ANKRD30B: variants seen among roughly 807,000 people sequenced by gnomAD.
ANKRD30B encodes the protein ankyrin repeat domain-containing protein 30B.
A neutral mutation model predicts 202.2 loss-of-function variants in ANKRD30B; 144 were observed. That is an observed-to-expected ratio of 0.71 (90% CI 0.62 to 0.82). The LOEUF is 0.82. Among genes scored for constraint, ANKRD30B ranks in the 40% least tolerant of loss-of-function variants. The pLI, the probability that ANKRD30B is intolerant of heterozygous loss-of-function variation, is 0.00. For missense variants in ANKRD30B, 1,487 were observed against 1,669.1 expected (o/e 0.89, Z 1.90); for synonymous variants, 508 against 561.3 (o/e 0.91, Z 1.34).
intron 30 of ANKRD30B, among the ~76,000 whole-genome samples, chr18:14,817,263 C>T (rs1169165949): frequency 8.5e-5 from 13 of 152,186 alleles, no homozygotes; most frequent in Non-Finnish European, 1.6e-4. Context: ...CAAGGATTCA[C>T]AGCCATACAT....
At chr18:14,809,100 A>G (rs1969746935) in intron 26 of ANKRD30B, among the ~76,000 whole-genome samples, 1 of 140,170 alleles carries the variant, frequency 7.1e-6, no homozygotes, top group Admixed American at 7.1e-5. Flanking sequence ...GGTGCCAACA[A>G]TTCACTAGAT....
intron 6 of ANKRD30B, among the ~76,000 whole-genome samples, chr18:14,761,228 C>T (rs1208190651): frequency 1.3e-5 from 2 of 152,114 alleles, no homozygotes; most frequent in Admixed American, 1.3e-4. Flanking sequence ...GGCTGCATGA[C>T]GGATGAGACA....
At chr18:14,758,548 G>GT (rs1367571504) in intron 5 of ANKRD30B, among the ~76,000 whole-genome samples, 1 of 152,298 alleles carries the variant, frequency 6.6e-6, no homozygotes, top group African/African-American at 2.4e-5. Flanking sequence ...AGTCATTACA[G>GT]TTTTTTAAAG....
chr18:14,809,665 C>T (rs1455510161), intron 26 of ANKRD30B, among the ~76,000 whole-genome samples: 1 of 150,982 alleles, frequency 6.6e-6, no homozygotes, highest in Non-Finnish European at 1.5e-5. Context: ...CATTCACAGG[C>T]TCTCTGCAGG....
chr18:14,757,262 A>G (rs1205101649), intron 4 of ANKRD30B, among the ~76,000 whole-genome samples: 5 of 152,212 alleles, frequency 3.3e-5, no homozygotes, highest in Admixed American at 2.0e-4. Flanking sequence ...CCTTGCAAAC[A>G]TTACATAATA....
chr18:14,865,515 C>T, the ANKRD30B span, among the ~76,000 whole-genome samples: 2,147 of 151,208 alleles, frequency 0.014, 46 homozygotes, highest in African/African-American at 0.05. Flanking sequence ...CCCTCTCTTA[C>T]CCCCTTCCAT....
rs141079576 is a variant in ANKRD30B, at chr18:14,786,006, C to T, written c.1673-1033C>T. ...TGAGCCGAGATTGCGCCACTGCAGT[C>T]TGCAGTCCGGCCTGGGCGACAGAGC... On this transcript the variant is annotated intron_variant, in intron 14 of 43. Transcript: ENST00000690538. Among the ~76,000 whole-genome samples the T allele has an allele frequency of 3.3e-3, 399 of 120,028 alleles. 1 individual carries two copies. Among genetic ancestry groups the T allele is most frequent in the Non-Finnish European group, 5.5e-3 (343 of 62,730 alleles). 78.7% of individuals were successfully genotyped at this position (120,028 alleles called of 152,430 possible). A position where few individuals can be genotyped will look rare whatever the true frequency, so the allele number is the denominator to read the frequency against.
intron 8 of ANKRD30B, 22 bp downstream of exon 8, chr18:14,769,395 A>T (rs1916747378): frequency 6.5e-7 from 1 of 1,539,412 alleles, no homozygotes; most frequent in Non-Finnish European, 8.8e-7. Flanking sequence ...CGGTTTTTTA[A>T]AACGAATAGG....
chr18:14,876,920 A>T, the ANKRD30B span, among the ~76,000 whole-genome samples: 1 of 95,976 alleles, frequency 1.0e-5, no homozygotes, highest in South Asian at 5.4e-4. Context: ...TCTTCCTCAG[A>T]GGCAGAGAAA....
the ANKRD30B span, among the ~76,000 whole-genome samples, chr18:14,866,018 G>A: frequency 2.0e-5 from 3 of 152,150 alleles, no homozygotes; most frequent in Admixed American, 2.0e-4. Context: ...TTGTTATCAT[G>A]TTCTGATTGG....
chr18:14,853,522 C>T (rs1971972816), intron 42 of ANKRD30B, among the ~76,000 whole-genome samples: 1 of 144,778 alleles, frequency 6.9e-6, no homozygotes, highest in South Asian at 2.2e-4. Context: ...GAATTTACCA[C>T]CACTAGTCCT....
rs1217463346 is a variant in ANKRD30B, at chr18:14,778,039, C to T, written c.1384C>T (p.Gln462Ter). The T allele has an allele frequency of 1.3e-6, 2 of 1,548,954 alleles. No homozygotes were observed. Among genetic ancestry groups the T allele is most frequent in the Non-Finnish European group, 1.7e-6 (2 of 1,144,936 alleles). Residue 462 changes from glutamine to a stop codon, truncating the protein, a stop_gained, in exon 10 of 44, where the codon CAA (glutamine) becomes TAA (stop). Transcript: ENST00000690538. LOFTEE classifies it high-confidence loss of function. ...NYTCLPDATY[Q>*]KDIKTINHKI... ...TACGTGTTTACCTGATGCTACATAT[C>T]AAAAAGATATCAAAACAATAAATCA... is the stretch of plus-strand genomic sequence containing the variant.
chr18:14,807,083 A>G lies in ANKRD30B; in HGVS notation c.2285-1468A>G, dbSNP rs138534791. ...TTAGCCTTAAAATGCTTGCACATAAATTTTGTGTGTTTTAGAGAGTTTATG... is the reference window on the plus strand; with the variant it reads ...TTAGCCTTAAAATGCTTGCACATAAGTTTTGTGTGTTTTAGAGAGTTTATG... On this transcript the variant is annotated intron_variant, in intron 24 of 43. Transcript: ENST00000690538. Among the ~76,000 whole-genome samples the G allele has an allele frequency of 4.2e-3, 639 of 151,210 alleles. 28 individuals carry two copies. The highest frequency in any genetic ancestry group is 6.8e-3 in the Middle Eastern group (2 of 292).
At chr18:14,783,665 A>T (rs1365695906) in intron 12 of ANKRD30B, among the ~76,000 whole-genome samples, 3 of 152,232 alleles carry the variant, frequency 2.0e-5, no homozygotes, top group African/African-American at 7.2e-5. Context: ...TGTTTAATAC[A>T]TCTATTGCAA....
At chr18:14,903,914 C>A in the ANKRD30B span, among the ~76,000 whole-genome samples, 10 of 152,234 alleles carry the variant, frequency 6.6e-5, no homozygotes, top group Non-Finnish European at 1.3e-4. Flanking sequence ...GGACCAGATA[C>A]CTGTGTAAGC....
At chr18:14,869,117 C>T in the ANKRD30B span, among the ~76,000 whole-genome samples, 2 of 152,176 alleles carry the variant, frequency 1.3e-5, no homozygotes, top group Admixed American at 1.3e-4. Flanking sequence ...AAATGGTCGC[C>T]TCTTGTTGAG....
intron 16 of ANKRD30B, 73 bp downstream of exon 16, chr18:14,791,564 T>C (rs1968511029): frequency 8.3e-7 from 1 of 1,207,116 alleles, no homozygotes; most frequent in East Asian, 2.4e-5. Flanking sequence ...GGATATCCTC[T>C]AATAGATGAA....
the ANKRD30B span, among the ~76,000 whole-genome samples, chr18:14,938,190 C>T: frequency 2.6e-5 from 4 of 152,200 alleles, no homozygotes; most frequent in Non-Finnish European, 5.9e-5. Flanking sequence ...CTGGATGTGC[C>T]CTCAGCTCTG....
At chr18:14,820,499 T>C (rs947805586) in intron 30 of ANKRD30B, among the ~76,000 whole-genome samples, 1 of 152,168 alleles carries the variant, frequency 6.6e-6, no homozygotes, top group African/African-American at 2.4e-5. Flanking sequence ...GGCTGTGGGT[T>C]TGTCATAGAT....
Sources: gnomAD v4.1 joint callset for allele counts (sites outside exome capture counted in the v4.1 genomes callset) on GRCh38, gnomAD v4.1.1 for gene constraint, MANE v1.5 for transcripts, NCBI Gene and HGNC (gene_info 2026-07-23, HGNC 2026-07-21) for gene names.